DSCAM: variants seen among roughly 807,000 people sequenced by gnomAD.
DSCAM encodes the protein cell adhesion molecule DSCAM.
A neutral mutation model predicts 217.7 loss-of-function variants in DSCAM; 47 were observed. The observed-to-expected ratio is 0.22, with a 90% CI of 0.17 to 0.28. DSCAM has a LOEUF of 0.28. Among genes scored for constraint, DSCAM ranks in the 10% least tolerant of loss-of-function variants. DSCAM has a pLI of 1.00. For synonymous variants in DSCAM, 1,056 were observed against 1,015.3 expected (o/e 1.04, Z -0.76); for missense variants, 2,080 against 2,618.3 (o/e 0.79, Z 4.49).
chr21:40,345,497 G>A (rs945056428), intron 6 of DSCAM, among the ~76,000 whole-genome samples: 6 of 152,082 alleles, frequency 3.9e-5, no homozygotes, highest in African/African-American at 1.4e-4. Flanking sequence ...CCCAGAACTG[G>A]AAACTTTTAT....
In DSCAM at chr21:40,244,091, T is replaced by G. The variant is rs2073189850; in HGVS notation, c.2356+32006A>C. 1.3e-5 allele frequency among the ~76,000 whole-genome samples: 2 copies of G among 152,310 alleles called. 1 individual carries two copies. The highest frequency in any genetic ancestry group is 4.1e-4 in the South Asian group (2 of 4,830). On this transcript the variant is annotated intron_variant, in intron 11 of 32. Transcript: ENST00000400454. ...TCTACTGCCATGTGGAAATGGACCATTCTGTCACGGTGAACTAATATCTTA... is the reference window on the plus strand; with the variant it reads ...TCTACTGCCATGTGGAAATGGACCAGTCTGTCACGGTGAACTAATATCTTA...
intron 11 of DSCAM, among the ~76,000 whole-genome samples, chr21:40,266,830 A>C (rs1164401994): frequency 6.9e-6 from 1 of 145,398 alleles, no homozygotes; most frequent in Non-Finnish European, 1.5e-5. Context: ...ACACATCGTG[A>C]AGTACTACTA....
At chr21:40,558,196 A>G (rs775029483) in intron 3 of DSCAM, among the ~76,000 whole-genome samples, 14 of 152,196 alleles carry the variant, frequency 9.2e-5, no homozygotes, top group Non-Finnish European at 1.9e-4. Flanking sequence ...AGTTGTCATT[A>G]AAATGATCTA....
At chr21:40,814,259 C>T (rs1365307163) in intron 1 of DSCAM, among the ~76,000 whole-genome samples, 1 of 152,232 alleles carries the variant, frequency 6.6e-6, no homozygotes, top group African/African-American at 2.4e-5. Context: ...TGCAGACTCT[C>T]TGGCTCTGCA....
chr21:40,334,301 G>A (rs912627535), intron 8 of DSCAM, among the ~76,000 whole-genome samples: 5 of 152,024 alleles, frequency 3.3e-5, no homozygotes, highest in Admixed American at 1.3e-4. Context: ...TCAACACATC[G>A]ATAACTAGAC....
In DSCAM at chr21:40,124,301, G is replaced by A. The variant is rs775428994; in HGVS notation, c.3590C>T (p.Ala1197Val). ...GACCATGGAGGCTGAGGCCGCCGCT[G>A]CCTTCACACCCGCGGGAGGACCTGG... The part of the protein sequence containing the change: ...DVPGPPAGVK[A>V]AAASASMVFV... The change falls in exon 20 of 33, where the codon GCA becomes GTA. Residue 1197 changes from alanine to valine, a missense_variant. Coordinates refer to ENST00000400454, the MANE Select transcript of DSCAM (RefSeq NM_001389.5). 5 of 1,613,980 alleles carry A rather than the reference G, an allele frequency of 3.1e-6. No individual in the cohort carries two copies. The highest frequency in any genetic ancestry group is 3.4e-6 in the Non-Finnish European group (4 of 1,180,024).
At chr21:40,311,938 T>C (rs1046803172) in intron 9 of DSCAM, 143 bp downstream of exon 9, 3 of 277,532 alleles carry the variant, frequency 1.1e-5, no homozygotes, top group Non-Finnish European at 5.9e-6. Context: ...GTCGTATTTT[T>C]TTTTTTTTTT....
chr21:40,562,799 G>A (rs1267296601), intron 3 of DSCAM, among the ~76,000 whole-genome samples: 2 of 152,112 alleles, frequency 1.3e-5, no homozygotes, highest in Non-Finnish European at 2.9e-5. Flanking sequence ...AGGGAAAGAG[G>A]AAATGATCCC....
In DSCAM at chr21:40,615,056, C is replaced by T. The variant is rs574967542; in HGVS notation, c.508+77754G>A. 1.1e-4 allele frequency among the ~76,000 whole-genome samples: 17 copies of T among 151,706 alleles called. No individual in the cohort carries two copies. In the East Asian group the frequency reaches 2.1e-3, roughly 19 times the overall value. On this transcript the variant is annotated intron_variant, in intron 3 of 32. Coordinates refer to ENST00000400454, the MANE Select transcript of DSCAM (RefSeq NM_001389.5). ...TAGTGGCTCACGCCTGTAATCCCAA[C>T]ACTTTGGGAGGCCGAGGCGGGCAGA...
intron 11 of DSCAM, among the ~76,000 whole-genome samples, chr21:40,249,480 T>C (rs2073272956): frequency 1.3e-5 from 2 of 152,224 alleles, no homozygotes; most frequent in Non-Finnish European, 2.9e-5. Context: ...CGTGGAACTA[T>C]AAGTCCAACT....
At chr21:40,350,626 T>C (rs1231436928) in intron 5 of DSCAM, among the ~76,000 whole-genome samples, 2 of 151,920 alleles carry the variant, frequency 1.3e-5, no homozygotes, top group Non-Finnish European at 2.9e-5. Flanking sequence ...ATTAGAGACA[T>C]AGCACATGTG....
intron 24 of DSCAM, among the ~76,000 whole-genome samples, chr21:40,083,258 G>A (rs1415202682): frequency 2.0e-5 from 3 of 152,096 alleles, no homozygotes; most frequent in Non-Finnish European, 2.9e-5. Context: ...GCAAAACCCC[G>A]TCTCTAGTAA....
intron 1 of DSCAM, among the ~76,000 whole-genome samples, chr21:40,834,761 G>C (rs189742524): frequency 6.6e-6 from 1 of 152,094 alleles, no homozygotes; most frequent in Non-Finnish European, 1.5e-5. Flanking sequence ...CTTTGAAAAT[G>C]AATAAACCCA....
intron 3 of DSCAM, among the ~76,000 whole-genome samples, chr21:40,632,360 G>T (rs2089703205): frequency 7.4e-6 from 1 of 134,550 alleles, no homozygotes; most frequent in Admixed American, 8.0e-5. Context: ...AAATTGGGTG[G>T]GGGGAGGGTG....
intron 3 of DSCAM, among the ~76,000 whole-genome samples, chr21:40,573,684 TAAAAGA>T (rs1046436037): frequency 3.8e-4 from 58 of 152,060 alleles, no homozygotes; most frequent in African/African-American, 1.3e-3. Context: ...TGAAAACACA[TAAAAGA>T]AAATTAACAA....
chr21:40,020,514 G>GGTGT (rs368437369), intron 32 of DSCAM, among the ~76,000 whole-genome samples: 34 of 150,096 alleles, frequency 2.3e-4, no homozygotes, highest in Non-Finnish European at 1.2e-4. Flanking sequence ...AGAAAAGTGT[G>GGTGT]GTGTGTGTGT....
chr21:40,517,185 GCT>G (rs1379864707), intron 3 of DSCAM, among the ~76,000 whole-genome samples: 3 of 145,142 alleles, frequency 2.1e-5, no homozygotes, highest in East Asian at 2.0e-4. Flanking sequence ...CCTCATATAC[GCT>G]CTCTCTGCAT....
At position 40,256,667 on chromosome 21, in the gene DSCAM, G is replaced by A. The variant is rs574360483; in HGVS notation, c.2356+19430C>T. 1.1e-3 allele frequency among the ~76,000 whole-genome samples: 165 copies of A among 152,226 alleles called. 1 individual carries two copies. Among genetic ancestry groups the A allele is most frequent in the African/African-American group, 3.5e-3 (147 of 41,556 alleles). ...GACCTTTAATTGATGAAGCCCACCC[G>A]CATTATGAAGGATAATCTACTTTAC... On this transcript the variant is annotated intron_variant, in intron 11 of 32. Coordinates refer to ENST00000400454, the MANE Select transcript of DSCAM (RefSeq NM_001389.5).
At chr21:40,614,026 A>G (rs1047563026) in intron 3 of DSCAM, among the ~76,000 whole-genome samples, 2 of 152,198 alleles carry the variant, frequency 1.3e-5, no homozygotes, top group Non-Finnish European at 2.9e-5. Context: ...AAGCACACCC[A>G]TATATTCCCC....
Sources: allele counts gnomAD v4.1 joint callset (sites outside exome capture counted in the v4.1 genomes callset), GRCh38; gene constraint gnomAD v4.1.1; transcripts MANE v1.5; gene names NCBI Gene and HGNC (gene_info 2026-07-23, HGNC 2026-07-21).